Variants in DNM1 observed in about 807,000 individuals in gnomAD.
DNM1 encodes dynamin 1, also known as dynamin-1.
Under a neutral mutation model 104.6 loss-of-function variants are expected in DNM1, and 29 were observed. That is an observed-to-expected ratio of 0.28 (90% CI 0.21 to 0.38). The LOEUF (loss-of-function observed/expected upper bound fraction) is 0.38, where lower values mean the gene tolerates loss of function less well. Ranked by LOEUF, DNM1 falls within the 10% of genes least tolerant of loss-of-function variation. DNM1 has a pLI of 1.00. For synonymous variants in DNM1, 445 were observed against 475.8 expected (o/e 0.94, Z 0.84); for missense variants, 640 against 1,189.4 (o/e 0.54, Z 6.79).
chr9:128,236,907 A>T (rs555768314), intron 11 of DNM1, among the ~76,000 whole-genome samples: 28 of 152,344 alleles, frequency 1.8e-4, no homozygotes, highest in African/African-American at 6.0e-4. Context: ...GCATTTTCTT[A>T]TGCGTGTGCA....
At chr9:128,242,139 G>A (rs764261123) in intron 14 of DNM1, 93 bp from the exon 15 acceptor site, 2 of 740,368 alleles carry the variant, frequency 2.7e-6, no homozygotes, top group East Asian at 5.4e-5. Flanking sequence ...GCTGGGAGAG[G>A]GGTGGGGTTT....
chr9:128,248,507 G>A lies in DNM1; in HGVS notation c.1906-76G>A. 6.5e-7 allele frequency: 1 copy of A among 1,549,138 alleles called. No individual in the cohort carries two copies. Among genetic ancestry groups the A allele is most frequent in the Admixed American group, 1.8e-5 (1 of 56,648 alleles). On this transcript the variant is annotated intron_variant, in intron 18 of 21. Transcript: ENST00000372923. The surrounding 1 kb of genome is among the most constrained non-coding windows in gnomAD (Gnocchi z 5.6). ...CTCAATATTCTGGGTACCCTTGGAG[G>A]GGCTGAGATCCTGGGGATGCCTGGA... is the stretch of plus-strand genomic sequence containing the variant.
intron 1 of DNM1, among the ~76,000 whole-genome samples, chr9:128,213,605 G>A (rs1588334464): frequency 1.3e-5 from 2 of 152,068 alleles, no homozygotes; most frequent in African/African-American, 4.8e-5. Flanking sequence ...GCACCTACCC[G>A]GACTCAGGAG....
Position 128,203,511 on chromosome 9 carries a change from A to G in DNM1, c.41A>G (p.Asn14Ser). 1 of 1,539,342 alleles carries G rather than the reference A, an allele frequency of 6.5e-7. No homozygotes were observed. The highest frequency in any genetic ancestry group is 2.7e-5 in the East Asian group (1 of 36,676). ...ATGGAAGATCTCATCCCGCTGGTCA[A>G]CCGGCTGCAAGACGCCTTCTCTGCC... ...RGMEDLIPLV[N>S]RLQDAFSAIG... Residue 14 changes from asparagine to serine, a missense_variant, in exon 1 of 22, where the codon AAC (asparagine) becomes AGC (serine). Physicochemically the swap from Asn to Ser is conservative, Grantham distance 46. Coordinates refer to ENST00000372923, the MANE Select transcript of DNM1 (RefSeq NM_004408.4). The surrounding 1 kb of genome is among the most constrained non-coding windows in gnomAD (Gnocchi z 5.3).
intron 10 of DNM1, among the ~76,000 whole-genome samples, chr9:128,227,324 C>T (rs938585904): frequency 6.7e-6 from 1 of 149,026 alleles, no homozygotes; most frequent in Non-Finnish European, 1.5e-5. Context: ...TTTTACTGAG[C>T]AGTGTGTTGT....
At chr9:128,235,675 A>G (rs1328889721) in intron 11 of DNM1, among the ~76,000 whole-genome samples, 1 of 151,994 alleles carries the variant, frequency 6.6e-6, no homozygotes, top group Non-Finnish European at 1.5e-5. Flanking sequence ...TTGAGTATAT[A>G]CCTAAAAGTG....
In DNM1 at chr9:128,224,250, G is replaced by A; in HGVS notation, c.1197-1G>A. 6.2e-7 allele frequency: 1 copy of A among 1,613,584 alleles called. No homozygotes were observed. The highest frequency in any genetic ancestry group is 8.5e-7 in the Non-Finnish European group (1 of 1,179,752). The stretch of plus-strand genomic sequence containing the variant: ...GCCCTTCTCCCGCTCCGGGCGTTCA[G>A]AACGGGGCTGTTTACCCCAGACATG... On this transcript the variant is annotated splice_acceptor_variant, in intron 9 of 21. Coordinates refer to ENST00000372923, the MANE Select transcript of DNM1 (RefSeq NM_004408.4). LOFTEE classifies it high-confidence loss of function. The surrounding 1 kb of genome is among the most constrained non-coding windows in gnomAD (Gnocchi z 4.3).
At chr9:128,215,152 G>T (rs1048217625) in intron 1 of DNM1, among the ~76,000 whole-genome samples, 5 of 152,246 alleles carry the variant, frequency 3.3e-5, no homozygotes, top group African/African-American at 1.2e-4. Flanking sequence ...CCAGACGTGA[G>T]ACTGGGAAGC....
intron 1 of DNM1, among the ~76,000 whole-genome samples, chr9:128,205,881 C>T (rs1012000805): frequency 2.0e-5 from 3 of 152,324 alleles, no homozygotes; most frequent in Middle Eastern, 3.4e-3. Context: ...CCCAGGAGGC[C>T]TGGGCCCTCT....
rs1427100604 is a variant in DNM1 at position 128,248,803 on chromosome 9, G to A, written c.2076+50G>A. ...AGGGAAATCCTGTGGCACTGGGGAT[G>A]CAGGTGGCCATGTTGGCCTGGGGGA... On this transcript the variant is annotated intron_variant, in intron 19 of 21. Transcript: ENST00000372923. The surrounding 1 kb of genome is among the most constrained non-coding windows in gnomAD (Gnocchi z 5.6). 17 of 1,587,112 alleles carry A rather than the reference G, an allele frequency of 1.1e-5. No homozygotes were observed. The highest frequency in any genetic ancestry group is 1.5e-5 in the Non-Finnish European group (17 of 1,160,488).
intron 10 of DNM1, 158 bp from the exon 11 acceptor site, chr9:128,233,863 A>G (rs1835843853): frequency 6.1e-6 from 4 of 651,584 alleles, no homozygotes; most frequent in East Asian, 3.0e-5. Context: ...GCTTGGTGCC[A>G]TCAGCGTCCT....
At chr9:128,242,436 T>C in intron 15 of DNM1, 91 bp downstream of exon 15, 1 of 709,698 alleles carries the variant, frequency 1.4e-6, no homozygotes. Context: ...GGCTAGACCA[T>C]GGAATAGGGT....
chr9:128,220,742 C>CGCGCGCGCGCGTGTGT lies in DNM1; in HGVS notation c.849+402_849+403insCGCGCGCGCGTGTGTG, dbSNP rs61020870. The stretch of plus-strand genomic sequence containing the variant: ...CAGAACTGAAGTGCGCGCGCGCGCG[C>CGCGCGCGCGCGTGTGT]GTGTGTGTGTGTGTGTGTGTGTGTG... On this transcript the variant is annotated intron_variant, in intron 6 of 21. Coordinates refer to ENST00000372923, the MANE Select transcript of DNM1 (RefSeq NM_004408.4). The surrounding 1 kb of genome is among the most constrained non-coding windows in gnomAD (Gnocchi z 5.2). Among the ~76,000 whole-genome samples, 35 of 136,358 alleles carry CGCGCGCGCGCGTGTGT rather than the reference C, an allele frequency of 2.6e-4. No individual in the cohort carries two copies. The highest frequency in any genetic ancestry group is 8.7e-4 in the African/African-American group (33 of 37,804). The allele number at this position is 136,358 out of a possible 152,430, so 89.5% of individuals were successfully genotyped here.
rs10987929 is a variant in DNM1 at position 128,206,876 on chromosome 9, C to G, written c.161+3245C>G. On this transcript the variant is annotated intron_variant, in intron 1 of 21. Coordinates refer to ENST00000372923, the MANE Select transcript of DNM1 (RefSeq NM_004408.4). Reference sequence around the variant, plus strand: ...TAGTGGAGTGATGAGCTAATTCTAGCAAGGGTGTGACTTGGGGAGCGGGTG... The same window carrying G: ...TAGTGGAGTGATGAGCTAATTCTAGGAAGGGTGTGACTTGGGGAGCGGGTG... Among the ~76,000 whole-genome samples the G allele has an allele frequency of 2.2e-3, 341 of 151,810 alleles. 8 individuals carry two copies. The East Asian group carries it at 0.042, about 19-fold the overall frequency.
At chr9:128,207,412 T>C (rs1301207875) in intron 1 of DNM1, among the ~76,000 whole-genome samples, 2 of 152,042 alleles carry the variant, frequency 1.3e-5, no homozygotes, top group African/African-American at 2.4e-5. Flanking sequence ...CACCAGCCTT[T>C]CATGAACAGA....
intron 11 of DNM1, chr9:128,234,667 C>T (rs948331213): frequency 7.9e-5 from 12 of 152,432 alleles, no homozygotes; most frequent in Non-Finnish European, 1.5e-4. Context: ...AGCCACCGCG[C>T]CTGGCCCACA....
At chr9:128,241,602 G>A (rs561573844) in intron 14 of DNM1, among the ~76,000 whole-genome samples, 1 of 152,290 alleles carries the variant, frequency 6.6e-6, no homozygotes, top group South Asian at 2.1e-4. Flanking sequence ...GATTTAGCAG[G>A]GGAGGCTGCA....
chr9:128,249,556 T>C (rs568500335), intron 19 of DNM1, among the ~76,000 whole-genome samples: 35 of 151,884 alleles, frequency 2.3e-4, no homozygotes, highest in African/African-American at 8.5e-4. Flanking sequence ...CTCAGGAGGC[T>C]GAGGCAGGAG....
intron 10 of DNM1, among the ~76,000 whole-genome samples, chr9:128,229,600 C>CAAAAA (rs56072236): frequency 6.3e-4 from 42 of 66,678 alleles, no homozygotes; most frequent in Non-Finnish European, 7.6e-4. Context: ...AAAACCTTAT[C>CAAAAA]AAAAAAAAAA....
Sources: allele counts gnomAD v4.1 joint callset (sites outside exome capture counted in the v4.1 genomes callset), GRCh38; gene constraint gnomAD v4.1.1; non-coding constraint Gnocchi (gnomAD v3.1); transcripts MANE v1.5; gene names NCBI Gene and HGNC (gene_info 2026-07-23, HGNC 2026-07-21).